TBXAS1: variants seen among roughly 807,000 people sequenced by gnomAD.
TBXAS1 encodes thromboxane-A synthase.
A neutral mutation model predicts 60.7 loss-of-function variants in TBXAS1; 48 were observed. The ratio of observed to expected loss-of-function variants is 0.79; its 90% CI spans 0.63 to 1.01. The LOEUF (loss-of-function observed/expected upper bound fraction) is 1.01, where lower values mean the gene tolerates loss of function less well. Among genes scored for constraint, TBXAS1 ranks in the 50% least tolerant of loss-of-function variants. The pLI is 0.00. For missense variants in TBXAS1, 685 were observed against 686.3 expected, an observed-to-expected ratio of 1.00 and a Z score of 0.02; for synonymous variants, 287 against 269.7, an observed-to-expected ratio of 1.06 and a Z score of -0.63.
chr7:140,017,853 A>AGGCAGG lies in TBXAS1; in HGVS notation c.1527+35_1527+40dup, dbSNP rs755790445. ...ACCCAGGTGAGGCCCCCCTGCTCAGAGGCAGGGGCAGGGGCAGGGGTGGGA... is the reference window on the plus strand; with the variant it reads ...ACCCAGGTGAGGCCCCCCTGCTCAGAGGCAGGGGCAGGGGCAGGGGCAGGGGTGGGA... On this transcript the variant is annotated intron_variant, in intron 12 of 12. Transcript: ENST00000448866. 1.0e-4 allele frequency: 162 copies of AGGCAGG among 1,613,488 alleles called. 1 individual carries two copies. In the East Asian group the frequency reaches 1.1e-3, roughly 11 times the overall value.
intron 5 of TBXAS1, among the ~76,000 whole-genome samples, chr7:139,952,161 G>A (rs892508210): frequency 2.0e-5 from 3 of 152,180 alleles, no homozygotes; most frequent in Non-Finnish European, 2.9e-5. Context: ...ATTGTTAGAC[G>A]AAGTCAGATT....
intron 1 of TBXAS1, among the ~76,000 whole-genome samples, chr7:139,833,053 A>AAAAAGC (rs1798811870): frequency 6.6e-6 from 1 of 152,190 alleles, no homozygotes; most frequent in African/African-American, 2.4e-5. Context: ...AATACGAGCT[A>AAAAAGC]AAAAGCAAAA....
intron 1 of TBXAS1, among the ~76,000 whole-genome samples, chr7:139,867,973 G>T (rs1801547272): frequency 6.6e-6 from 1 of 152,140 alleles, no homozygotes; most frequent in Non-Finnish European, 1.5e-5. Flanking sequence ...ACAGTAAATT[G>T]TACCGCTGGC....
intron 3 of TBXAS1, among the ~76,000 whole-genome samples, chr7:139,894,513 G>A (rs1803919517): frequency 6.6e-6 from 1 of 152,152 alleles, no homozygotes. Flanking sequence ...GATCCCTAAA[G>A]AAGGGAAGTG....
chr7:139,977,405 CG>C lies in TBXAS1; in HGVS notation c.1134+15175del, dbSNP rs1477199188. Among the ~76,000 whole-genome samples the C allele has an allele frequency of 3.3e-5, 5 of 152,136 alleles. No individual in the cohort carries two copies. The East Asian group carries it at 9.6e-4, about 29-fold the overall frequency. ...CTTACTCACTATCACGAGAACAGCA[CG>C]GGAAAGACTCGCCCCCATGATTCAA... is the stretch of plus-strand genomic sequence containing the variant. On this transcript the variant is annotated intron_variant, in intron 9 of 12. Transcript: ENST00000448866.
rs368837403 is a variant in TBXAS1, at chr7:139,941,384, T to G, written c.450+5077T>G. 4.6e-5 allele frequency among the ~76,000 whole-genome samples: 7 copies of G among 152,158 alleles called. No homozygotes were observed. In the East Asian group the frequency reaches 1.3e-3, roughly 29 times the overall value. ...AGTCAACAATGCTTGAAAATGGCTT[T>G]AAAATGAGCATCATATCATGAAGCC... On this transcript the variant is annotated intron_variant, in intron 5 of 12. Coordinates refer to ENST00000448866, the MANE Select transcript of TBXAS1 (RefSeq NM_001061.7).
At chr7:139,968,333 C>T (rs1272878408) in intron 9 of TBXAS1, among the ~76,000 whole-genome samples, 3 of 152,154 alleles carry the variant, frequency 2.0e-5, no homozygotes, top group Non-Finnish European at 4.4e-5. Context: ...CTTGCTCTGT[C>T]GCCCAGGCTG....
chr7:139,968,866 C>T (rs1399238268), intron 9 of TBXAS1, among the ~76,000 whole-genome samples: 1 of 152,100 alleles, frequency 6.6e-6, no homozygotes, highest in South Asian at 2.1e-4. Context: ...TTGTACCACT[C>T]GTAAAGCTGA....
chr7:139,944,486 A>G (rs1808541632), intron 5 of TBXAS1, among the ~76,000 whole-genome samples: 1 of 152,172 alleles, frequency 6.6e-6, no homozygotes, highest in South Asian at 2.1e-4. Context: ...AAAGTGAGGG[A>G]GTGACCTGCT....
chr7:139,817,530 T>A (rs1394530370), intron 4 of TBXAS1, among the ~76,000 whole-genome samples: 1 of 152,076 alleles, frequency 6.6e-6, no homozygotes, highest in East Asian at 1.9e-4. Flanking sequence ...GATAAGCAAG[T>A]AAAATTAGAG....
chr7:139,899,780 G>A (rs1371727118), intron 3 of TBXAS1, among the ~76,000 whole-genome samples: 3 of 152,176 alleles, frequency 2.0e-5, no homozygotes, highest in Non-Finnish European at 2.9e-5. Context: ...AGTCTGCACA[G>A]CTGGGAGCCT....
At chr7:139,943,311 T>C (rs189502433) in intron 5 of TBXAS1, among the ~76,000 whole-genome samples, 21 of 152,378 alleles carry the variant, frequency 1.4e-4, no homozygotes. Flanking sequence ...TGGGTATTTA[T>C]CTAGCAGCGA....
At chr7:139,893,758 C>G (rs973121198) in intron 3 of TBXAS1, among the ~76,000 whole-genome samples, 3 of 152,056 alleles carry the variant, frequency 2.0e-5, no homozygotes, top group Admixed American at 2.0e-4. Flanking sequence ...ACATATATAC[C>G]CATGCTCACA....
intron 10 of TBXAS1, among the ~76,000 whole-genome samples, chr7:140,008,609 G>A (rs904680445): frequency 8.6e-5 from 13 of 151,952 alleles, no homozygotes; most frequent in African/African-American, 1.4e-4. Context: ...CACTATGCCC[G>A]GCTAATTTTT....
chr7:139,941,430 A>AT (rs1808280976), intron 5 of TBXAS1, among the ~76,000 whole-genome samples: 2 of 85,842 alleles, frequency 2.3e-5, no homozygotes, highest in Admixed American at 1.3e-4. Context: ...TTAAATTAAA[A>AT]TTGTTTTTTT....
At chr7:139,793,987 G>A (rs1307179722) in intron 4 of TBXAS1, among the ~76,000 whole-genome samples, 1 of 152,172 alleles carries the variant, frequency 6.6e-6, no homozygotes, top group Non-Finnish European at 1.5e-5. Flanking sequence ...CAAAGAGAAT[G>A]AGAAGGCTGC....
rs531578984 is a variant in TBXAS1, at chr7:139,938,658, C to T, written c.450+2351C>T. Reference sequence around the variant, plus strand: ...AAGGTTGAGTCAGCCAAGAGAAGACCGGGGGAAGAGAGGAGAGGTAGGTGA... The same window carrying T: ...AAGGTTGAGTCAGCCAAGAGAAGACTGGGGGAAGAGAGGAGAGGTAGGTGA... On this transcript the variant is annotated intron_variant, in intron 5 of 12. Transcript: ENST00000448866. Among the ~76,000 whole-genome samples, 36 of 152,144 alleles carry T rather than the reference C, an allele frequency of 2.4e-4. No individual in the cohort carries two copies. The South Asian group carries it at 6.6e-3, about 28-fold the overall frequency.
At chr7:139,952,539 CGAT>C in intron 5 of TBXAS1, 1 of 1,536,186 alleles carries the variant, frequency 6.5e-7, no homozygotes. Flanking sequence ...TGATTCTGCT[CGAT>C]ATTTTCAGCT....
Position 139,890,743 on chromosome 7 carries a change from A to G in TBXAS1, c.236+15106A>G, listed in dbSNP as rs575181819. Among the ~76,000 whole-genome samples, 11 of 152,226 alleles carry G rather than the reference A, an allele frequency of 7.2e-5. 1 individual carries two copies. In the South Asian group the frequency reaches 2.3e-3, roughly 32 times the overall value. Reference sequence around the variant, plus strand: ...TACTAATTACCTCCATTTTGAGTTGATGTTTTGGGGGATGTTTTTATCCTG... The same window carrying G: ...TACTAATTACCTCCATTTTGAGTTGGTGTTTTGGGGGATGTTTTTATCCTG... On this transcript the variant is annotated intron_variant, in intron 3 of 12. Coordinates refer to ENST00000448866, the MANE Select transcript of TBXAS1 (RefSeq NM_001061.7).
Sources: allele counts gnomAD v4.1 joint callset (sites outside exome capture counted in the v4.1 genomes callset), GRCh38; gene constraint gnomAD v4.1.1; transcripts MANE v1.5; gene names NCBI Gene and HGNC (gene_info 2026-07-23, HGNC 2026-07-21).